DTWD2: variants seen among roughly 807,000 people sequenced by gnomAD.
The protein encoded by DTWD2 is tRNA-uridine aminocarboxypropyltransferase 2.
DTWD2 carries 39 observed loss-of-function variants against 31.8 expected under a neutral mutation model. That is an observed-to-expected ratio of 1.22 (90% confidence interval 0.95 to 1.60). DTWD2 has a LOEUF of 1.60. DTWD2 is among the 40% of genes most tolerant of loss of function. The pLI, the probability that DTWD2 is intolerant of heterozygous loss-of-function variation, is 0.00. For synonymous variants in DTWD2, 180 were observed against 142.8 expected (o/e 1.26, Z -1.86); for missense variants, 515 against 381.5 (o/e 1.35, Z -2.92).
At chr5:118,982,026 G>C (rs907350352) in intron 1 of DTWD2, among the ~76,000 whole-genome samples, 1 of 152,148 alleles carries the variant, frequency 6.6e-6, no homozygotes, top group Non-Finnish European at 1.5e-5. Flanking sequence ...CCTCTTATTA[G>C]TCATCTGACC....
intron 1 of DTWD2, among the ~76,000 whole-genome samples, chr5:118,945,040 C>T (rs1754301171): frequency 6.6e-6 from 1 of 152,036 alleles, no homozygotes; most frequent in Admixed American, 6.6e-5. Context: ...GTTGAGTAAA[C>T]AATAAGATGA....
intron 4 of DTWD2, among the ~76,000 whole-genome samples, chr5:118,900,172 T>C (rs1420488526): frequency 1.3e-5 from 2 of 152,192 alleles, no homozygotes; most frequent in Non-Finnish European, 2.9e-5. Context: ...ATTCATGTTG[T>C]TATGTGTAGT....
chr5:118,853,348 CAA>C (rs1174693590), intron 4 of DTWD2, among the ~76,000 whole-genome samples: 1 of 152,042 alleles, frequency 6.6e-6, no homozygotes, highest in East Asian at 1.9e-4. Context: ...AGAGATTTCT[CAA>C]AGAAATGAAA....
intron 4 of DTWD2, among the ~76,000 whole-genome samples, chr5:118,914,202 A>G (rs1271633822): frequency 1.3e-5 from 2 of 152,162 alleles, no homozygotes; most frequent in Non-Finnish European, 2.9e-5. Flanking sequence ...GGTAGGGTCT[A>G]ATGTAAGCAT....
At chr5:118,967,840 A>C (rs1233848043) in intron 1 of DTWD2, among the ~76,000 whole-genome samples, 3 of 152,176 alleles carry the variant, frequency 2.0e-5, no homozygotes, top group Non-Finnish European at 4.4e-5. Context: ...TGGATACTAA[A>C]ATCAGTGGGC....
intron 4 of DTWD2, among the ~76,000 whole-genome samples, chr5:118,859,530 G>A (rs995634221): frequency 6.6e-6 from 1 of 151,916 alleles, no homozygotes; most frequent in African/African-American, 2.4e-5. Context: ...CGTTCAATTG[G>A]CTCCTGCAGC....
intron 1 of DTWD2, among the ~76,000 whole-genome samples, chr5:118,961,983 G>A (rs772194664): frequency 1.1e-4 from 16 of 152,200 alleles, no homozygotes; most frequent in Admixed American, 5.2e-4. Flanking sequence ...GGCTCATGCC[G>A]GTAATCCCAG....
chr5:118,852,376 G>C (rs1356267708), intron 4 of DTWD2, among the ~76,000 whole-genome samples: 1 of 152,132 alleles, frequency 6.6e-6, no homozygotes, highest in African/African-American at 2.4e-5. Flanking sequence ...AAGTAAGACA[G>C]GTGTAAGAAA....
rs112462019 is a variant in DTWD2, at chr5:118,898,530, G to A, written c.597+30007C>T. On this transcript the variant is annotated intron_variant, in intron 4 of 5. Coordinates refer to ENST00000510708, the MANE Select transcript of DTWD2 (RefSeq NM_173666.4). The stretch of plus-strand genomic sequence containing the variant: ...AAAAATTAGCCGGGCATGGTGGCGG[G>A]TGCCTGTAATCTCAACTTCTCAGGA... Among the ~76,000 whole-genome samples the A allele has an allele frequency of 4.3e-3, 650 of 151,818 alleles. 7 individuals are homozygous for A. The highest frequency in any genetic ancestry group is 0.015 in the African/African-American group (632 of 41,414).
intron 1 of DTWD2, among the ~76,000 whole-genome samples, chr5:118,980,338 G>C: frequency 6.6e-6 from 1 of 152,158 alleles, no homozygotes; most frequent in East Asian, 1.9e-4. Context: ...GCTTGGAGTG[G>C]GAGGGGACAA....
chr5:118,938,075 T>A (rs1343651370), intron 3 of DTWD2, among the ~76,000 whole-genome samples: 1 of 152,174 alleles, frequency 6.6e-6, no homozygotes, highest in Non-Finnish European at 1.5e-5. Flanking sequence ...TATACCTCAA[T>A]AATGCTTGGT....
chr5:118,959,707 C>T (rs959942157), intron 1 of DTWD2, among the ~76,000 whole-genome samples: 1 of 152,174 alleles, frequency 6.6e-6, no homozygotes, highest in South Asian at 2.1e-4. Flanking sequence ...TCAAACTATA[C>T]TATAATGCTA....
At chr5:118,870,777 C>T (rs11951800) in intron 4 of DTWD2, among the ~76,000 whole-genome samples, 4,663 of 152,206 alleles carry the variant, frequency 0.031, 97 homozygotes, top group Non-Finnish European at 0.049. Context: ...ACTCTTCCTT[C>T]CATGAAGGAC....
At chr5:118,908,994 C>T (rs1290059573) in intron 4 of DTWD2, among the ~76,000 whole-genome samples, 6 of 152,324 alleles carry the variant, frequency 3.9e-5, no homozygotes, top group African/African-American at 1.4e-4. Context: ...AAAACAGTCT[C>T]ATTTTTCCTG....
Position 118,872,114 on chromosome 5 carries a change from A to T in DTWD2, c.598-23896T>A, listed in dbSNP as rs891751934. On this transcript the variant is annotated intron_variant, in intron 4 of 5. Transcript: ENST00000510708. ...CTCCTGTAGCTTCATCACCTCTCTCAATCTTAACAGAATTGAAGAGAGTTA... is the reference window on the plus strand; with the variant it reads ...CTCCTGTAGCTTCATCACCTCTCTCTATCTTAACAGAATTGAAGAGAGTTA... Among the ~76,000 whole-genome samples the T allele has an allele frequency of 5.9e-5, 9 of 152,150 alleles. 1 individual carries two copies. The highest frequency in any genetic ancestry group is 5.9e-4 in the Admixed American group (9 of 15,280).
At chr5:118,883,014 G>A (rs529661483) in intron 4 of DTWD2, among the ~76,000 whole-genome samples, 31 of 152,280 alleles carry the variant, frequency 2.0e-4, no homozygotes, top group African/African-American at 7.2e-4. Flanking sequence ...TTTATGTTCT[G>A]CTTCTCTTTT....
At chr5:118,920,785 T>A (rs1413036127) in intron 4 of DTWD2, among the ~76,000 whole-genome samples, 1 of 152,218 alleles carries the variant, frequency 6.6e-6, no homozygotes, top group Non-Finnish European at 1.5e-5. Flanking sequence ...TGTGTTATTG[T>A]CAATTTTTGA....
rs1006520257 is a variant in DTWD2 at position 118,944,425 on chromosome 5, C to T, written c.309+134G>A. ...GAAATTAAAAAGAAACTATTTTTTCCAAAAGAGAAAGCATTTATCACCAAC... is the reference window on the plus strand; with the variant it reads ...GAAATTAAAAAGAAACTATTTTTTCTAAAAGAGAAAGCATTTATCACCAAC... On this transcript the variant is annotated intron_variant, in intron 2 of 5. Transcript: ENST00000510708. 1.7e-5 allele frequency: 15 copies of T among 868,994 alleles called. 1 individual carries two copies. The South Asian group carries it at 2.1e-4, about 12-fold the overall frequency. 53.8% of individuals were successfully genotyped at this position (868,994 alleles called of 1,614,324 possible). A position where few individuals can be genotyped will look rare whatever the true frequency, so the allele number is the denominator to read the frequency against.
At chr5:118,973,780 A>T in intron 1 of DTWD2, 1 of 1,611,314 alleles carries the variant, frequency 6.2e-7, no homozygotes, top group South Asian at 1.1e-5. Context: ...GCATCGGATC[A>T]CCGGCGTGCC....
Sources: gnomAD v4.1 joint callset for allele counts (sites outside exome capture counted in the v4.1 genomes callset) on GRCh38, gnomAD v4.1.1 for gene constraint, MANE v1.5 for transcripts, NCBI Gene and HGNC (gene_info 2026-07-23, HGNC 2026-07-21) for gene names.